The following RARB variants were observed in gnomAD, a reference collection of about 807,000 sequenced individuals.
RARB encodes the protein retinoic acid receptor beta.
In RARB, 17 loss-of-function variants were observed where a neutral mutation model predicts 51.9. The ratio of observed to expected loss-of-function variants is 0.33; its 90% confidence interval spans 0.22 to 0.49. The LOEUF (loss-of-function observed/expected upper bound fraction) is 0.49. Among genes scored for constraint, RARB ranks in the 20% least tolerant of loss-of-function variants. The pLI is 0.99. For synonymous variants in RARB, 215 were observed against 195.4 expected, an observed-to-expected ratio of 1.10 and a Z score of -0.84; for missense variants, 369 against 550.8, an observed-to-expected ratio of 0.67 and a Z score of 3.30.
chr3:25,248,116 T>A (rs1289844885), intron 5 of RARB, among the ~76,000 whole-genome samples: 5 of 152,252 alleles, frequency 3.3e-5, no homozygotes, highest in African/African-American at 9.6e-5. Flanking sequence ...GATCCTTTTA[T>A]CATGATATAA....
At chr3:25,393,510 TG>T (rs976760892) in intron 5 of RARB, among the ~76,000 whole-genome samples, 1 of 152,162 alleles carries the variant, frequency 6.6e-6, no homozygotes, top group Non-Finnish European at 1.5e-5. Flanking sequence ...TGAATCCATC[TG>T]TTCCTGAACT....
At chr3:24,890,088 A>C (rs1354041429) in intron 2 of RARB, among the ~76,000 whole-genome samples, 1 of 152,184 alleles carries the variant, frequency 6.6e-6, no homozygotes, top group African/African-American at 2.4e-5. Context: ...AGGGTAGCCT[A>C]AGTGTGACTT....
intron 2 of RARB, among the ~76,000 whole-genome samples, chr3:24,948,112 C>T (rs1194473892): frequency 6.6e-6 from 1 of 152,122 alleles, no homozygotes; most frequent in Non-Finnish European, 1.5e-5. Flanking sequence ...GCCAGGGGGC[C>T]TGGGGAATTG....
chr3:25,228,269 G>A (rs919387969), intron 5 of RARB, among the ~76,000 whole-genome samples: 42 of 128,220 alleles, frequency 3.3e-4, no homozygotes, highest in Non-Finnish European at 5.9e-4. Flanking sequence ...TCTCTTTTAA[G>A]GATACTCTAC....
At chr3:25,574,654 G>A (rs1312429942) in intron 4 of RARB, among the ~76,000 whole-genome samples, 1 of 152,242 alleles carries the variant, frequency 6.6e-6, no homozygotes, top group Non-Finnish European at 1.5e-5. Context: ...CCTCCGAGGG[G>A]CTTGTGAATA....
rs1695170324 is a variant in RARB, at chr3:25,461,348, A to G, written c.306+7A>G. On this transcript the variant is annotated splice_region_variant and intron_variant, in intron 2 of 7. Transcript: ENST00000330688. ...CGCCTGTGAGGGATGTAAGGTGAGTATTCACACTTCTGTGCCTGATGAACT... is the reference window on the plus strand; with the variant it reads ...CGCCTGTGAGGGATGTAAGGTGAGTGTTCACACTTCTGTGCCTGATGAACT... The G allele has an allele frequency of 2.5e-6, 4 of 1,612,934 alleles. No homozygotes were observed. In the Admixed American group the frequency reaches 5.0e-5, roughly 20 times the overall value.
At chr3:25,232,133 C>G (rs1702193088) in intron 5 of RARB, among the ~76,000 whole-genome samples, 1 of 152,068 alleles carries the variant, frequency 6.6e-6, no homozygotes, top group Non-Finnish European at 1.5e-5. Context: ...AGCCTTTGCA[C>G]TTTTGTAAAA....
upstream of RARB, among the ~76,000 whole-genome samples, chr3:25,428,080 T>A (rs957892153): frequency 4.6e-5 from 7 of 152,318 alleles, no homozygotes; most frequent in Admixed American, 2.0e-4. Context: ...CGCCGGCTTG[T>A]GCGCTCGCTG....
chr3:25,345,607 G>A (rs1303559513), intron 5 of RARB, among the ~76,000 whole-genome samples: 9 of 149,916 alleles, frequency 6.0e-5, no homozygotes, highest in African/African-American at 2.2e-4. Flanking sequence ...GGAGGTTGCA[G>A]TGAGCCGAGA....
At chr3:25,195,944 A>G (rs1260563502) in intron 5 of RARB, among the ~76,000 whole-genome samples, 4 of 151,998 alleles carry the variant, frequency 2.6e-5, no homozygotes, top group African/African-American at 7.2e-5. Context: ...TGGTTAGTGA[A>G]CTAATGCAAA....
chr3:24,906,842 C>T (rs1694876681), intron 2 of RARB, among the ~76,000 whole-genome samples: 1 of 58,316 alleles, frequency 1.7e-5, no homozygotes, highest in Non-Finnish European at 2.9e-5. Context: ...GAGATTCCGT[C>T]TCAAAAAAAA....
chr3:25,123,206 G>A (rs559727440), intron 3 of RARB, among the ~76,000 whole-genome samples: 29 of 152,286 alleles, frequency 1.9e-4, no homozygotes, highest in African/African-American at 6.5e-4. Flanking sequence ...AGGTTTGTCT[G>A]TGCTTCTCAC....
intron 1 of RARB, among the ~76,000 whole-genome samples, chr3:24,845,563 T>G (rs868674143): frequency 2.6e-5 from 4 of 152,206 alleles, no homozygotes; most frequent in Non-Finnish European, 4.4e-5. Flanking sequence ...CCTATGGCCA[T>G]GTTTAACTGT....
chr3:25,318,561 C>T (rs772089784), intron 5 of RARB, among the ~76,000 whole-genome samples: 1 of 152,102 alleles, frequency 6.6e-6, no homozygotes, highest in Non-Finnish European at 1.5e-5. Context: ...GCTGAGAGGT[C>T]TTTAATAAGC....
chr3:24,944,924 T>C (rs55964723), intron 2 of RARB, among the ~76,000 whole-genome samples: 8 of 152,040 alleles, frequency 5.3e-5, no homozygotes, highest in Non-Finnish European at 1.2e-4. Context: ...ATTAAGGGTT[T>C]GGAGGAGCTT....
At chr3:25,397,486 AG>A (rs1279022705) in intron 5 of RARB, among the ~76,000 whole-genome samples, 7 of 152,174 alleles carry the variant, frequency 4.6e-5, no homozygotes, top group Admixed American at 6.6e-5. Context: ...CTGAAGCAAA[AG>A]TTCACAGTGT....
intron 5 of RARB, among the ~76,000 whole-genome samples, chr3:25,306,999 C>A (rs1212306049): frequency 6.6e-6 from 1 of 152,140 alleles, no homozygotes; most frequent in Admixed American, 6.5e-5. Context: ...CCTTCACATT[C>A]TACTAGTGCC....
At chr3:25,008,704 A>G (rs764705546) in intron 2 of RARB, among the ~76,000 whole-genome samples, 1 of 152,092 alleles carries the variant, frequency 6.6e-6, no homozygotes. Context: ...CAAAAAATTT[A>G]GTCTGTTCCC....
intron 2 of RARB, among the ~76,000 whole-genome samples, chr3:25,466,392 C>T (rs1159191718): frequency 6.6e-6 from 1 of 152,172 alleles, no homozygotes; most frequent in Non-Finnish European, 1.5e-5. Flanking sequence ...GACGGGGTTA[C>T]TCCATGTTGG....
Sources: gnomAD v4.1 joint callset for allele counts (sites outside exome capture counted in the v4.1 genomes callset) on GRCh38, gnomAD v4.1.1 for gene constraint, MANE v1.5 for transcripts, NCBI Gene and HGNC (gene_info 2026-07-23, HGNC 2026-07-21) for gene names.